The following LFNG variants were observed in gnomAD, a reference collection of about 807,000 sequenced individuals.
LFNG encodes the protein beta-1,3-N-acetylglucosaminyltransferase lunatic fringe.
Under a neutral mutation model 32.7 loss-of-function variants are expected in LFNG, and 15 were observed. The observed-to-expected ratio is 0.46, with a 90% CI of 0.31 to 0.71. LFNG has a LOEUF of 0.71. LFNG is among the 30% of genes least tolerant of loss of function. The probability of loss-of-function intolerance (pLI) is 0.06; values close to 1 mark genes in which losing one functional copy is unlikely to be tolerated. For synonymous variants in LFNG, 274 were observed against 246.8 expected (o/e 1.11, Z -1.03); for missense variants, 520 against 545.7 (o/e 0.95, Z 0.47).
In LFNG at chr7:2,527,287, G is replaced by A. The variant is rs1780017504; in HGVS notation, c.*75G>A. On this transcript the variant is annotated 3_prime_UTR_variant, in exon 8 of 8. Transcript: ENST00000222725. The surrounding 1 kb of genome is among the most constrained non-coding windows in gnomAD (Gnocchi z 4.4). ...CCAGGGACCCTGTTGCGCTGCCCTG[G>A]CCTCGGCATTCGAGGCTCCCCTAGG... 1.9e-6 allele frequency: 3 copies of A among 1,583,634 alleles called. No individual in the cohort carries two copies. Among genetic ancestry groups the A allele is most frequent in the Admixed American group, 1.8e-5 (1 of 56,626 alleles).
In LFNG at chr7:2,520,401, A is replaced by C; in HGVS notation, c.432+108A>C. The C allele has an allele frequency of 1.9e-6, 2 of 1,038,212 alleles. No individual in the cohort carries two copies. The highest frequency in any genetic ancestry group is 2.8e-6 in the Non-Finnish European group (2 of 717,140). The allele number at this position is 1,038,212 out of a possible 1,614,324, so 64.3% of individuals were successfully genotyped here. A position where few individuals can be genotyped will look rare whatever the true frequency, so the allele number is the denominator to read the frequency against. On this transcript the variant is annotated intron_variant, in intron 1 of 7. Transcript: ENST00000222725. This position sits in a 1 kb window ranked among gnomAD's most constrained non-coding sequence, Gnocchi z 5.0. Reference sequence around the variant, plus strand: ...AGTCAGGCTGCATCCCCATCCAGCCACTAGGGCCATCTGTGGGCGACGCCA... The same window carrying C: ...AGTCAGGCTGCATCCCCATCCAGCCCCTAGGGCCATCTGTGGGCGACGCCA...
rs1463976740 is a variant in LFNG, at chr7:2,520,766, G to T, written c.432+473G>T. The stretch of plus-strand genomic sequence containing the variant: ...TCCTCATCACAGTGTTAAGGTACGG[G>T]GAGGGAGGGAAGTCATTGCTGGTTG... On this transcript the variant is annotated intron_variant, in intron 1 of 7. Transcript: ENST00000222725. The surrounding 1 kb of genome is among the most constrained non-coding windows in gnomAD (Gnocchi z 5.0). Among the ~76,000 whole-genome samples, 2 of 152,190 alleles carry T rather than the reference G, an allele frequency of 1.3e-5. No homozygotes were observed. The highest frequency in any genetic ancestry group is 2.1e-4 in the South Asian group (1 of 4,832).
At chr7:2,524,772 G>T (rs928314779) in intron 2 of LFNG, 29 bp downstream of exon 2, 2 of 1,559,650 alleles carry the variant, frequency 1.3e-6, no homozygotes, top group African/African-American at 1.4e-5. Context: ...GCGGGAGGGG[G>T]CCCAGGCCTC....
At chr7:2,512,612 A>T in exon 1 of LFNG, 11 of 1,604,412 alleles carry the variant, frequency 6.9e-6, no homozygotes, top group Non-Finnish European at 9.4e-6. Flanking sequence ...CCACCCTCGC[A>T]GCTTCCTCCC....
chr7:2,517,829 A>T (rs187671652), upstream of LFNG: 1 of 1,218,540 alleles, frequency 8.2e-7, no homozygotes, highest in African/African-American at 1.6e-5. Context: ...CGTGAATATC[A>T]GGCGGGACTT....
chr7:2,526,744 GC>G lies in LFNG; in HGVS notation c.988-90del. ...CAGGTCCAAGGGAGGCCAGGGCAGG[GC>G]CGTTGCCTCACTCAGGGCTGTGTGG... On this transcript the variant is annotated intron_variant, in intron 6 of 7. Transcript: ENST00000222725. This position sits in a 1 kb window ranked among gnomAD's most constrained non-coding sequence, Gnocchi z 6.9. 2 of 1,195,326 alleles carry G rather than the reference GC, an allele frequency of 1.7e-6. No individual in the cohort carries two copies. Among genetic ancestry groups the G allele is most frequent in the South Asian group, 2.5e-5 (2 of 80,342 alleles). The allele number at this position is 1,195,326 out of a possible 1,614,324, so 74.0% of individuals were successfully genotyped here. A position where few individuals can be genotyped will look rare whatever the true frequency, so the allele number is the denominator to read the frequency against.
intron 2 of LFNG, 149 bp downstream of exon 2, chr7:2,524,892 G>A (rs996900151): frequency 1.8e-5 from 13 of 741,742 alleles, no homozygotes; most frequent in East Asian, 1.4e-4. Context: ...TCCATGCCCC[G>A]CCCCACCACT....
At chr7:2,518,416 T>C, upstream of LFNG, 1 of 703,510 alleles carries the variant, frequency 1.4e-6, no homozygotes, top group Non-Finnish European at 2.6e-6. Flanking sequence ...GGGCTAGGGG[T>C]GGGGCCCCTG....
At chr7:2,525,813 C>G in intron 5 of LFNG, 43 bp downstream of exon 5, 1 of 1,546,328 alleles carries the variant, frequency 6.5e-7, no homozygotes, top group South Asian at 1.1e-5. Flanking sequence ...TCCCAGGCTC[C>G]TCGCCACTGT....
intron 1 of LFNG, among the ~76,000 whole-genome samples, chr7:2,524,142 C>G (rs1286107775): frequency 6.6e-6 from 1 of 152,222 alleles, no homozygotes; most frequent in Admixed American, 6.5e-5. Flanking sequence ...TTCATCCTCC[C>G]TCCAGGCCCT....
chr7:2,524,083 G>A (rs973796521), intron 1 of LFNG, among the ~76,000 whole-genome samples: 1 of 152,168 alleles, frequency 6.6e-6, no homozygotes, highest in South Asian at 2.1e-4. Context: ...CCGGCCCGGC[G>A]CCCCTCTCCC....
chr7:2,527,623 A>C lies in LFNG; in HGVS notation c.*411A>C. On this transcript the variant is annotated 3_prime_UTR_variant, in exon 8 of 8. Transcript: ENST00000222725. This position sits in a 1 kb window ranked among gnomAD's most constrained non-coding sequence, Gnocchi z 4.4. ...TGACCACAAGCTCTGTGCTGGGGGTACCTGTGCCCTGAAGTCCTGGCCCCT... is the reference window on the plus strand; with the variant it reads ...TGACCACAAGCTCTGTGCTGGGGGTCCCTGTGCCCTGAAGTCCTGGCCCCT... 5 of 1,167,942 alleles carry C rather than the reference A, an allele frequency of 4.3e-6. No homozygotes were observed. The South Asian group carries it at 7.1e-5, about 17-fold the overall frequency. 72.3% of individuals were successfully genotyped at this position (1,167,942 alleles called of 1,614,324 possible).
chr7:2,513,548 C>G (rs1412591191), upstream of LFNG, among the ~76,000 whole-genome samples: 1 of 152,180 alleles, frequency 6.6e-6, no homozygotes, highest in Admixed American at 6.5e-5. Context: ...TCCCTCCACC[C>G]GGCCTGGAGC....
At position 2,528,116 on chromosome 7, in the gene LFNG, G is replaced by A; in HGVS notation, c.*904G>A. The A allele has an allele frequency of 2.0e-6, 2 of 985,416 alleles. No homozygotes were observed. The highest frequency in any genetic ancestry group is 2.4e-6 in the Non-Finnish European group (2 of 829,812). 61.0% of individuals were successfully genotyped at this position (985,416 alleles called of 1,614,324 possible). A position where few individuals can be genotyped will look rare whatever the true frequency, so the allele number is the denominator to read the frequency against. On this transcript the variant is annotated 3_prime_UTR_variant, in exon 8 of 8. Transcript: ENST00000222725. ...TCTTATTTTATCTTATCTTTTCTGT[G>A]GATCAGAAAAAACAGAAGCCAAACT...
chr7:2,521,239 C>T (rs1435523176), intron 1 of LFNG, among the ~76,000 whole-genome samples: 1 of 152,154 alleles, frequency 6.6e-6, no homozygotes, highest in African/African-American at 2.4e-5. Context: ...GGGCAGGGTC[C>T]TCCCTGGTCC....
rs1779736570 is a variant in LFNG at position 2,519,937 on chromosome 7, G to A, written c.76G>A (p.Ala26Thr). 3 of 1,025,136 alleles carry A rather than the reference G, an allele frequency of 2.9e-6. No homozygotes were observed. The highest frequency in any genetic ancestry group is 4.3e-5 in the South Asian group (1 of 23,260). The allele number at this position is 1,025,136 out of a possible 1,614,324, so 63.5% of individuals were successfully genotyped here. Reference sequence around the variant, plus strand: ...GCTCGCCTGCCTGCTGGTGCTCACCGCCGACCCGCCGCCGCCTCCACTGCC... The same window carrying A: ...GCTCGCCTGCCTGCTGGTGCTCACCACCGACCCGCCGCCGCCTCCACTGCC... ...ALLACLLVLT[A>T]DPPPPPLPAE... The change falls in exon 1 of 8, where the codon GCC becomes ACC. Residue 26 changes from alanine to threonine, a missense_variant. Ala to Thr is a moderately conservative substitution (Grantham distance 58, BLOSUM62 0). Around this residue, in one of 3 missense-constraint regions of LFNG, gnomAD observed 360 missense variants for 354.7 expected, o/e 1.01. Transcript: ENST00000222725.
upstream of LFNG, among the ~76,000 whole-genome samples, chr7:2,517,318 A>G (rs1356782672): frequency 6.6e-6 from 1 of 152,186 alleles, no homozygotes; most frequent in African/African-American, 2.4e-5. Flanking sequence ...AATGCTGTAA[A>G]GCTTCCTCCC....
At chr7:2,517,647 T>C (rs528422541), upstream of LFNG, 14 of 453,610 alleles carry the variant, frequency 3.1e-5, no homozygotes, top group African/African-American at 2.8e-4. Context: ...TCACAGCATC[T>C]TGTCAGGTGG....
upstream of LFNG, among the ~76,000 whole-genome samples, chr7:2,517,250 A>G (rs2128374013): frequency 6.6e-6 from 1 of 152,204 alleles, no homozygotes; most frequent in Non-Finnish European, 1.5e-5. Context: ...ACGAAATTCC[A>G]TTCTCCTGAC....
Sources: allele counts gnomAD v4.1 joint callset (sites outside exome capture counted in the v4.1 genomes callset), GRCh38; gene constraint gnomAD v4.1.1; regional missense constraint gnomAD v4.1.1; non-coding constraint Gnocchi (gnomAD v3.1); transcripts MANE v1.5; gene names NCBI Gene and HGNC (gene_info 2026-07-23, HGNC 2026-07-21).